DGLUCY: variants seen among roughly 807,000 people sequenced by gnomAD.
The protein encoded by DGLUCY is D-glutamate cyclase.
DGLUCY carries 58 observed loss-of-function variants against 58.5 expected under a neutral mutation model. The observed-to-expected ratio is 0.99, with a 90% CI of 0.80 to 1.23. The LOEUF is 1.23. DGLUCY is among the 50% of genes most tolerant of loss of function. The pLI is 0.00. For synonymous variants in DGLUCY, 325 were observed against 314.1 expected (o/e 1.03, Z -0.37); for missense variants, 779 against 784.7 (o/e 0.99, Z 0.09).
intron 1 of DGLUCY, among the ~76,000 whole-genome samples, chr14:91,085,346 C>G (rs565974283): frequency 6.6e-6 from 1 of 152,214 alleles, no homozygotes; most frequent in East Asian, 1.9e-4. Flanking sequence ...TGGGAAACTC[C>G]TGCTCTCTTC....
chr14:91,112,372 C>T (rs901776383), upstream of DGLUCY, among the ~76,000 whole-genome samples: 14 of 152,062 alleles, frequency 9.2e-5, no homozygotes, highest in Admixed American at 5.9e-4. Flanking sequence ...GGAAACATGA[C>T]ACCATGACAC....
At chr14:91,098,704 G>C (rs1033973288) in intron 1 of DGLUCY, among the ~76,000 whole-genome samples, 7 of 152,062 alleles carry the variant, frequency 4.6e-5, no homozygotes, top group Non-Finnish European at 1.0e-4. Flanking sequence ...TTGCCAAAAA[G>C]ATGTCATTTC....
chr14:91,164,989 G>C (rs2140368177), intron 3 of DGLUCY, among the ~76,000 whole-genome samples: 1 of 152,344 alleles, frequency 6.6e-6, no homozygotes, highest in East Asian at 1.9e-4. Context: ...AGGGACTACA[G>C]CCAAAAACCT....
intron 1 of DGLUCY, among the ~76,000 whole-genome samples, chr14:91,143,767 A>G (rs191663962): frequency 2.6e-5 from 4 of 152,298 alleles, no homozygotes; most frequent in African/African-American, 7.2e-5. Flanking sequence ...GAGCAAGACT[A>G]TGCCAGACAT....
intron 1 of DGLUCY, among the ~76,000 whole-genome samples, chr14:91,061,282 ATAGT>A (rs2043672777): frequency 6.6e-6 from 1 of 152,184 alleles, no homozygotes; most frequent in Non-Finnish European, 1.5e-5. Context: ...TAAATAACAG[ATAGT>A]TCTTAAACGT....
chr14:91,100,889 G>A (rs960622856), intron 1 of DGLUCY, among the ~76,000 whole-genome samples: 3 of 152,056 alleles, frequency 2.0e-5, no homozygotes, highest in African/African-American at 4.8e-5. Flanking sequence ...TGGCCAACAT[G>A]GTAAAACCCT....
chr14:91,176,198 A>G, intron 7 of DGLUCY, 142 bp downstream of exon 7: 1 of 1,005,570 alleles, frequency 9.9e-7, no homozygotes, highest in Non-Finnish European at 1.4e-6. Flanking sequence ...CTACAGCTAC[A>G]GTGAATCTCT....
chr14:91,188,708 T>C (rs1046276985), intron 8 of DGLUCY, among the ~76,000 whole-genome samples: 4 of 152,058 alleles, frequency 2.6e-5, no homozygotes, highest in African/African-American at 7.2e-5. Flanking sequence ...CGCGTGCCTG[T>C]AGCCCAGTTG....
chr14:91,217,797 T>C (rs1307968872), intron 13 of DGLUCY, among the ~76,000 whole-genome samples: 3 of 151,938 alleles, frequency 2.0e-5, no homozygotes, highest in African/African-American at 7.3e-5. Flanking sequence ...CTCTTTTCTG[T>C]CTTTCTTTCC....
upstream of DGLUCY, among the ~76,000 whole-genome samples, chr14:91,111,859 C>T (rs2044707329): frequency 6.6e-6 from 1 of 152,186 alleles, no homozygotes; most frequent in South Asian, 2.1e-4. Context: ...GAATTGTATT[C>T]TACTGTGTGT....
chr14:91,182,795 A>C (rs2049265297), intron 8 of DGLUCY, among the ~76,000 whole-genome samples: 1 of 152,152 alleles, frequency 6.6e-6, no homozygotes, highest in African/African-American at 2.4e-5. Flanking sequence ...TGTATAACGC[A>C]TCTCAGGGGA....
intron 12 of DGLUCY, among the ~76,000 whole-genome samples, chr14:91,207,809 C>T (rs1885008477): frequency 6.6e-6 from 1 of 151,826 alleles, no homozygotes. Flanking sequence ...TGCAATGGCG[C>T]AATCTCGGCT....
chr14:91,139,733 C>G (rs1270544426), intron 1 of DGLUCY, among the ~76,000 whole-genome samples: 1 of 152,198 alleles, frequency 6.6e-6, no homozygotes, highest in Non-Finnish European at 1.5e-5. Context: ...GTGATACAAT[C>G]AAGGTGACAC....
chr14:91,147,075 G>A (rs535722844), intron 1 of DGLUCY, among the ~76,000 whole-genome samples: 1 of 152,276 alleles, frequency 6.6e-6, no homozygotes, highest in East Asian at 1.9e-4. Flanking sequence ...TCCTCCTGGA[G>A]CACCTGTGGC....
intron 7 of DGLUCY, 78 bp downstream of exon 7, chr14:91,176,134 T>C: frequency 6.6e-7 from 1 of 1,505,896 alleles, no homozygotes; most frequent in Admixed American, 2.2e-5. Context: ...AAGCATATTC[T>C]CGTAGTACAA....
chr14:91,084,004 C>T (rs2044170394), intron 1 of DGLUCY, among the ~76,000 whole-genome samples: 2 of 152,172 alleles, frequency 1.3e-5, no homozygotes, highest in South Asian at 4.2e-4. Context: ...GGTCTTCCTC[C>T]TTTGGGAAGT....
chr14:91,214,476 G>A (rs751580664), intron 12 of DGLUCY, among the ~76,000 whole-genome samples: 1 of 152,240 alleles, frequency 6.6e-6, no homozygotes, highest in Admixed American at 6.5e-5. Flanking sequence ...GAGGTCATGC[G>A]ATCCAGCGCG....
At chr14:91,129,876 ACCT>A (rs1487347910) in intron 1 of DGLUCY, among the ~76,000 whole-genome samples, 1 of 152,074 alleles carries the variant, frequency 6.6e-6, no homozygotes, top group Non-Finnish European at 1.5e-5. Flanking sequence ...TGAACTCCCG[ACCT>A]CAGGTGATCC....
intron 1 of DGLUCY, among the ~76,000 whole-genome samples, chr14:91,130,021 T>TA (rs1351617962): frequency 1.3e-5 from 2 of 152,218 alleles, no homozygotes; most frequent in East Asian, 1.9e-4. Context: ...TGCATAGTGT[T>TA]ACATTGTATG....
Sources: allele counts gnomAD v4.1 joint callset (sites outside exome capture counted in the v4.1 genomes callset), GRCh38; gene constraint gnomAD v4.1.1; transcripts MANE v1.5; gene names NCBI Gene and HGNC (gene_info 2026-07-23, HGNC 2026-07-21).